ZNF385D: variants seen among roughly 807,000 people sequenced by gnomAD.
ZNF385D encodes zinc finger protein 385D, also known as zinc finger protein 659.
Under a neutral mutation model 35.8 loss-of-function variants are expected in ZNF385D, and 15 were observed. The ratio of observed to expected loss-of-function variants is 0.42; its 90% CI spans 0.28 to 0.64. The LOEUF is 0.64. ZNF385D is among the 30% of genes least tolerant of loss of function. ZNF385D has a pLI of 0.23. For synonymous variants in ZNF385D, 212 were observed against 186.8 expected, an observed-to-expected ratio of 1.13 and a Z score of -1.10; for missense variants, 474 against 494.6, an observed-to-expected ratio of 0.96 and a Z score of 0.39.
At chr3:22,297,725 G>A (rs763211232) in intron 2 of ZNF385D, among the ~76,000 whole-genome samples, 1 of 151,680 alleles carries the variant, frequency 6.6e-6, no homozygotes, top group Non-Finnish European at 1.5e-5. Context: ...TTCATAACTG[G>A]GAATTTTCTT....
In ZNF385D at chr3:22,091,499, G is replaced by C. The variant is rs543069698; in HGVS notation, c.325+77318C>G. Among the ~76,000 whole-genome samples the C allele has an allele frequency of 9.9e-5, 15 of 152,230 alleles. No individual in the cohort carries two copies. In the East Asian group the frequency reaches 2.7e-3, roughly 27 times the overall value. On this transcript the variant is annotated intron_variant, in intron 3 of 5. Transcript: ENST00000494108. ...AGTAATCAGAACACCCTGGTCTGTA[G>C]AGATCTTCGGCAGTGTCCACTGAAC... is the stretch of plus-strand genomic sequence containing the variant.
chr3:21,924,001 C>G (rs34904582), intron 3 of ZNF385D, among the ~76,000 whole-genome samples: 81,248 of 152,042 alleles, frequency 0.53, 23,787 homozygotes, highest in South Asian at 0.66. Flanking sequence ...ATGCTGAAAA[C>G]TTAAAACAAT....
chr3:21,959,278 A>T (rs1702454659), intron 3 of ZNF385D, among the ~76,000 whole-genome samples: 1 of 152,204 alleles, frequency 6.6e-6, no homozygotes, highest in Non-Finnish European at 1.5e-5. Flanking sequence ...ACTTCAAATA[A>T]TAAGGCAAAA....
chr3:21,762,185 C>T (rs1294857519), intron 3 of ZNF385D, among the ~76,000 whole-genome samples: 4 of 151,974 alleles, frequency 2.6e-5, no homozygotes, highest in Admixed American at 6.6e-5. Flanking sequence ...TCTGTCTTCC[C>T]TTTTTTATTT....
chr3:21,939,832 T>A (rs149574245), intron 3 of ZNF385D, among the ~76,000 whole-genome samples: 152 of 152,296 alleles, frequency 1.0e-3, no homozygotes, highest in African/African-American at 3.6e-3. Context: ...AGGGAAGGCC[T>A]CAGATGTGAG....
intron 3 of ZNF385D, among the ~76,000 whole-genome samples, chr3:21,948,863 T>G (rs1462557633): frequency 1.3e-5 from 2 of 152,164 alleles, no homozygotes; most frequent in South Asian, 4.1e-4. Context: ...TCTAAAAATC[T>G]TGTGTAAGAT....
At chr3:22,007,216 C>A (rs1026546600) in intron 3 of ZNF385D, among the ~76,000 whole-genome samples, 1 of 152,106 alleles carries the variant, frequency 6.6e-6, no homozygotes, top group African/African-American at 2.4e-5. Flanking sequence ...GTTTCATCTC[C>A]CCTGTATTTT....
At chr3:21,687,062 G>A (rs1386486866) in intron 1 of ZNF385D, among the ~76,000 whole-genome samples, 1 of 152,138 alleles carries the variant, frequency 6.6e-6, no homozygotes, top group African/African-American at 2.4e-5. Context: ...CTCCTGCCCT[G>A]GCTCTCTGGT....
At chr3:22,218,043 C>G (rs894751244) in intron 2 of ZNF385D, among the ~76,000 whole-genome samples, 2 of 152,046 alleles carry the variant, frequency 1.3e-5, no homozygotes, top group Non-Finnish European at 2.9e-5. Context: ...ACAGCAAGTC[C>G]TTTCACCTTA....
intron 3 of ZNF385D, among the ~76,000 whole-genome samples, chr3:21,795,438 G>A (rs376710670): frequency 1.3e-5 from 2 of 152,356 alleles, no homozygotes; most frequent in South Asian, 2.1e-4. Flanking sequence ...CTCCACTTTG[G>A]TGGAATGGTA....
chr3:22,048,240 G>C (rs1415455619), intron 3 of ZNF385D, among the ~76,000 whole-genome samples: 1 of 150,880 alleles, frequency 6.6e-6, no homozygotes, highest in Non-Finnish European at 1.5e-5. Context: ...ATTTTTTTTA[G>C]TTTGCTGTAA....
Position 21,595,513 on chromosome 3 carries a change from A to G in ZNF385D, c.166-30829T>C, listed in dbSNP as rs2064104725. ...TAATATATATGTATGTAATATATAC[A>G]TAGATATATGTATGTAATATATACA... On this transcript the variant is annotated intron_variant, in intron 2 of 7. Transcript: ENST00000281523. Among the ~76,000 whole-genome samples, 3 of 149,172 alleles carry G rather than the reference A, an allele frequency of 2.0e-5. No homozygotes were observed. The South Asian group carries it at 6.2e-4, about 31-fold the overall frequency.
chr3:21,720,524 A>G (rs564993062), intron 1 of ZNF385D, among the ~76,000 whole-genome samples: 20 of 152,266 alleles, frequency 1.3e-4, no homozygotes, highest in African/African-American at 4.6e-4. Flanking sequence ...ACTGCACTGG[A>G]GCCTGGGCAA....
intron 2 of ZNF385D, among the ~76,000 whole-genome samples, chr3:22,310,707 C>A (rs916094338): frequency 1.3e-5 from 2 of 151,770 alleles, no homozygotes; most frequent in Non-Finnish European, 2.9e-5. Flanking sequence ...TTTCCTTTAA[C>A]GCCCTCAAAA....
intron 3 of ZNF385D, among the ~76,000 whole-genome samples, chr3:22,160,301 A>G (rs1705864435): frequency 6.6e-6 from 1 of 152,172 alleles, no homozygotes; most frequent in African/African-American, 2.4e-5. Context: ...ATGCCAAAAG[A>G]GATCACTGTG....
chr3:21,736,704 T>C (rs1204169211), intron 1 of ZNF385D, among the ~76,000 whole-genome samples: 2 of 152,044 alleles, frequency 1.3e-5, no homozygotes, highest in East Asian at 1.9e-4. Flanking sequence ...AGAAGTGAAA[T>C]AGAGAAGTAG....
chr3:21,506,313 T>C (rs1706776387), intron 4 of ZNF385D, among the ~76,000 whole-genome samples: 1 of 152,110 alleles, frequency 6.6e-6, no homozygotes, highest in Non-Finnish European at 1.5e-5. Context: ...TAAATTAAGA[T>C]GAAAGAAAAA....
chr3:21,952,818 C>T (rs1265441571), intron 3 of ZNF385D, among the ~76,000 whole-genome samples: 1 of 151,888 alleles, frequency 6.6e-6, no homozygotes, highest in Non-Finnish European at 1.5e-5. Flanking sequence ...CAAAACTAAA[C>T]ATTTCCATTG....
chr3:21,957,975 C>A (rs1702378417), intron 3 of ZNF385D, among the ~76,000 whole-genome samples: 1 of 152,114 alleles, frequency 6.6e-6, no homozygotes, highest in South Asian at 2.1e-4. Context: ...CAAATGTATT[C>A]ACATCAGCAC....
Sources: gnomAD v4.1 joint callset for allele counts (sites outside exome capture counted in the v4.1 genomes callset) on GRCh38, gnomAD v4.1.1 for gene constraint, MANE v1.5 for transcripts, NCBI Gene and HGNC (gene_info 2026-07-23, HGNC 2026-07-21) for gene names.